The following HHLA2 variants were observed in gnomAD, a reference collection of about 807,000 sequenced individuals.
HHLA2 encodes the protein HERV-H LTR-associating protein 2.
In HHLA2, 48 loss-of-function variants were observed where a neutral mutation model predicts 45.9. That is an observed-to-expected ratio of 1.05 (90% confidence interval 0.83 to 1.33). HHLA2 has a LOEUF of 1.33. Ranked by LOEUF, HHLA2 falls within the 40% of genes most tolerant of loss-of-function variation. The pLI is 0.00. For missense variants in HHLA2, 462 were observed against 494.3 expected (o/e 0.93, Z 0.62); for synonymous variants, 161 against 173.9 (o/e 0.93, Z 0.59).
chr3:108,339,817 G>C (rs532459695), intron 3 of HHLA2, among the ~76,000 whole-genome samples: 4 of 152,114 alleles, frequency 2.6e-5, no homozygotes, highest in East Asian at 3.9e-4. Flanking sequence ...CACTCCATTT[G>C]TTGGCCAGGG....
intron 3 of HHLA2, among the ~76,000 whole-genome samples, chr3:108,349,531 C>G (rs1421910052): frequency 1.3e-5 from 2 of 152,122 alleles, no homozygotes; most frequent in East Asian, 3.9e-4. Context: ...AAGTCCAGGA[C>G]CAGATGGATT....
At chr3:108,348,653 T>C (rs1350616921) in intron 3 of HHLA2, among the ~76,000 whole-genome samples, 1 of 152,154 alleles carries the variant, frequency 6.6e-6, no homozygotes. Context: ...AATTTCTTTT[T>C]TTTTTTTAAT....
chr3:108,312,983 G>C (rs913449474), intron 2 of HHLA2, among the ~76,000 whole-genome samples: 1 of 152,136 alleles, frequency 6.6e-6, no homozygotes, highest in Non-Finnish European at 1.5e-5. Context: ...GAACAGTTGT[G>C]GGAGGACTCA....
At chr3:108,350,972 A>C in intron 3 of HHLA2, among the ~76,000 whole-genome samples, 1 of 152,240 alleles carries the variant, frequency 6.6e-6, no homozygotes, top group Non-Finnish European at 1.5e-5. Context: ...GGTGTGAACC[A>C]CCATGCCCAG....
chr3:108,346,381 G>A (rs527341811), intron 3 of HHLA2, among the ~76,000 whole-genome samples: 1 of 152,290 alleles, frequency 6.6e-6, no homozygotes, highest in East Asian at 1.9e-4. Context: ...AACATCCCCA[G>A]GATGCTACAA....
chr3:108,305,116 A>G (rs553016830), intron 1 of HHLA2, among the ~76,000 whole-genome samples: 1 of 152,236 alleles, frequency 6.6e-6, no homozygotes, highest in African/African-American at 2.4e-5. Context: ...TTTTTTCTGC[A>G]TGGATTCAGA....
chr3:108,329,529 C>T (rs2081347781), intron 3 of HHLA2, among the ~76,000 whole-genome samples: 1 of 152,140 alleles, frequency 6.6e-6, no homozygotes, highest in African/African-American at 2.4e-5. Context: ...AAAATGTTTT[C>T]AGCGGGTCTA....
intron 8 of HHLA2, among the ~76,000 whole-genome samples, chr3:108,366,590 G>A (rs1196676477): frequency 1.3e-5 from 2 of 152,182 alleles, no homozygotes; most frequent in Admixed American, 6.5e-5. Context: ...GAATTCGGCT[G>A]TGAATCTGTC....
intron 2 of HHLA2, among the ~76,000 whole-genome samples, chr3:108,321,335 C>T (rs2081198341): frequency 6.6e-6 from 1 of 152,072 alleles, no homozygotes; most frequent in Non-Finnish European, 1.5e-5. Context: ...CACATTTTCC[C>T]ATAGCTTCTT....
intron 1 of HHLA2, among the ~76,000 whole-genome samples, chr3:108,297,686 A>G (rs1229006861): frequency 6.6e-6 from 1 of 152,196 alleles, no homozygotes; most frequent in Non-Finnish European, 1.5e-5. Context: ...GTGGCTCTTA[A>G]ATAAATCCAT....
At chr3:108,330,912 A>G (rs1057056751) in intron 3 of HHLA2, among the ~76,000 whole-genome samples, 1 of 152,120 alleles carries the variant, frequency 6.6e-6, no homozygotes, top group African/African-American at 2.4e-5. Flanking sequence ...CCTGCTTGTG[A>G]AAGATAAGGG....
intron 2 of HHLA2, among the ~76,000 whole-genome samples, chr3:108,322,585 G>C (rs2081222082): frequency 6.6e-6 from 1 of 152,170 alleles, no homozygotes; most frequent in Non-Finnish European, 1.5e-5. Flanking sequence ...CTATGTGGGG[G>C]AGTGGATTTT....
intron 1 of HHLA2, among the ~76,000 whole-genome samples, chr3:108,296,949 T>G (rs895218541): frequency 6.6e-6 from 1 of 152,228 alleles, no homozygotes; most frequent in East Asian, 1.9e-4. Flanking sequence ...TATTCTTACT[T>G]GTAATTGTTC....
intron 3 of HHLA2, among the ~76,000 whole-genome samples, chr3:108,351,358 G>T (rs2081773948): frequency 6.6e-6 from 1 of 152,130 alleles, no homozygotes; most frequent in African/African-American, 2.4e-5. Context: ...TATCATAAAA[G>T]CAAATGTGTC....
At chr3:108,376,811 C>A (rs913994512) in intron 10 of HHLA2, 2 of 408,028 alleles carry the variant, frequency 4.9e-6, no homozygotes, top group Non-Finnish European at 8.9e-6. Context: ...TAGAGAAGAT[C>A]TCCAATGGCA....
chr3:108,311,594 G>T (rs1422904277), intron 2 of HHLA2, among the ~76,000 whole-genome samples: 1 of 151,994 alleles, frequency 6.6e-6, no homozygotes, highest in African/African-American at 2.4e-5. Flanking sequence ...CCTTTTTCTA[G>T]ATTTAAGATT....
intron 1 of HHLA2, among the ~76,000 whole-genome samples, chr3:108,306,802 A>G (rs894145014): frequency 2.6e-5 from 4 of 151,712 alleles, no homozygotes; most frequent in South Asian, 2.1e-4. Flanking sequence ...TTTCCATTGT[A>G]TATATATATA....
At chr3:108,305,793 A>G (rs748884654) in intron 1 of HHLA2, among the ~76,000 whole-genome samples, 3 of 152,214 alleles carry the variant, frequency 2.0e-5, no homozygotes, top group Non-Finnish European at 4.4e-5. Flanking sequence ...CTTTGGTCTG[A>G]TACATGTGAT....
intron 7 of HHLA2, 104 bp downstream of exon 6, chr3:108,358,265 CCT>C: frequency 1.4e-6 from 1 of 740,396 alleles, no homozygotes; most frequent in Non-Finnish European, 2.1e-6. Context: ...ACATTGATAC[CCT>C]CTCAAAATAT....
Sources: allele counts gnomAD v4.1 joint callset (sites outside exome capture counted in the v4.1 genomes callset), GRCh38; gene constraint gnomAD v4.1.1; transcripts MANE v1.5; gene names NCBI Gene and HGNC (gene_info 2026-07-23, HGNC 2026-07-21).